The following STARD13 variants were observed in gnomAD, a reference collection of about 807,000 sequenced individuals.
STARD13 encodes StAR related lipid transfer domain containing 13, also known as stAR-related lipid transfer protein 13.
Under a neutral mutation model 106.4 loss-of-function variants are expected in STARD13, and 62 were observed. That is an observed-to-expected ratio of 0.58 (90% confidence interval 0.48 to 0.72). The LOEUF (loss-of-function observed/expected upper bound fraction) is 0.72, where lower values mean the gene tolerates loss of function less well. STARD13 is among the 30% of genes least tolerant of loss of function. The pLI, the probability that STARD13 is intolerant of heterozygous loss-of-function variation, is 0.00. For missense variants in STARD13, 1,387 were observed against 1,424.0 expected, an observed-to-expected ratio of 0.97 and a Z score of 0.42; for synonymous variants, 565 against 553.0, an observed-to-expected ratio of 1.02 and a Z score of -0.31.
chr13:33,413,802 C>G, the STARD13 span, among the ~76,000 whole-genome samples: 1 of 152,028 alleles, frequency 6.6e-6, no homozygotes, highest in Non-Finnish European at 1.5e-5. Flanking sequence ...GAGGTCGAGG[C>G]AGGCAGATCA....
At chr13:33,183,985 G>T (rs113094280) in intron 1 of STARD13, among the ~76,000 whole-genome samples, 1 of 152,150 alleles carries the variant, frequency 6.6e-6, no homozygotes, top group Non-Finnish European at 1.5e-5. Flanking sequence ...CTATGACTAC[G>T]CTGGTTCTCA....
At chr13:33,659,638 G>C in the STARD13 span, 6,567 of 152,338 alleles carry the variant, frequency 0.043, 169 homozygotes, top group South Asian at 0.063. Context: ...AAGACACCCA[G>C]CTGGTGTCTG....
chr13:33,555,654 A>T, the STARD13 span, among the ~76,000 whole-genome samples: 1 of 152,184 alleles, frequency 6.6e-6, no homozygotes, highest in African/African-American at 2.4e-5. Context: ...AGAGTAAACA[A>T]CTTGGAGTTA....
the STARD13 span, among the ~76,000 whole-genome samples, chr13:33,528,245 T>TATATATATAC: frequency 8.1e-6 from 1 of 124,174 alleles, no homozygotes; most frequent in African/African-American, 3.7e-5. Context: ...TATATATACA[T>TATATATATAC]ATATATATAT....
At chr13:33,308,670 C>T (rs1370548340) in intron 1 of STARD13, among the ~76,000 whole-genome samples, 1 of 151,760 alleles carries the variant, frequency 6.6e-6, no homozygotes, top group African/African-American at 2.4e-5. Flanking sequence ...ATTACAGGTA[C>T]CCACCACCAC....
the STARD13 span, among the ~76,000 whole-genome samples, chr13:33,447,496 A>G: frequency 1.3e-5 from 2 of 152,132 alleles, no homozygotes; most frequent in East Asian, 3.9e-4. Context: ...GTCCTGCTCC[A>G]ACTTGGACAT....
chr13:33,505,669 A>G, the STARD13 span, among the ~76,000 whole-genome samples: 1 of 152,270 alleles, frequency 6.6e-6, no homozygotes, highest in East Asian at 1.9e-4. Context: ...ACTTTCATGA[A>G]AATTTAGAAC....
the STARD13 span, among the ~76,000 whole-genome samples, chr13:33,523,393 C>T: frequency 2.6e-5 from 4 of 152,084 alleles, no homozygotes; most frequent in Non-Finnish European, 5.9e-5. Context: ...CTCTTGTTTA[C>T]TGTCAGAAGG....
chr13:33,633,308 A>G, the STARD13 span, among the ~76,000 whole-genome samples: 2 of 152,228 alleles, frequency 1.3e-5, no homozygotes, highest in Non-Finnish European at 2.9e-5. Flanking sequence ...AATGAATGCT[A>G]GAGCCTCATA....
the STARD13 span, among the ~76,000 whole-genome samples, chr13:33,422,118 A>G: frequency 6.6e-6 from 1 of 152,202 alleles, no homozygotes; most frequent in Admixed American, 6.5e-5. Flanking sequence ...AGAGAAAGAA[A>G]TAAAGGGTAT....
chr13:33,606,802 G>A, the STARD13 span, among the ~76,000 whole-genome samples: 2 of 152,304 alleles, frequency 1.3e-5, no homozygotes, highest in Middle Eastern at 3.4e-3. Flanking sequence ...GCAGAGCTGC[G>A]CTCCTTTCTG....
intron 1 of STARD13, among the ~76,000 whole-genome samples, chr13:33,311,335 C>T (rs1480952437): frequency 1.3e-5 from 2 of 151,890 alleles, no homozygotes; most frequent in East Asian, 3.9e-4. Flanking sequence ...AAAAAGAGTG[C>T]ACCTGTATAG....
At chr13:33,435,429 C>A in the STARD13 span, among the ~76,000 whole-genome samples, 6 of 152,206 alleles carry the variant, frequency 3.9e-5, no homozygotes, top group African/African-American at 1.4e-4. Flanking sequence ...AGCTCTTAAG[C>A]TTTATGTGGC....
the STARD13 span, among the ~76,000 whole-genome samples, chr13:33,635,532 C>T: frequency 6.6e-6 from 1 of 151,718 alleles, no homozygotes; most frequent in Non-Finnish European, 1.5e-5. Flanking sequence ...TGGTGGTGGG[C>T]GCCTGTAGTC....
At chr13:33,226,919 T>A (rs1888655517) in intron 1 of STARD13, among the ~76,000 whole-genome samples, 1 of 152,228 alleles carries the variant, frequency 6.6e-6, no homozygotes, top group Admixed American at 6.5e-5. Flanking sequence ...TAAAGATTTT[T>A]AGGGATCTTA....
intron 1 of STARD13, among the ~76,000 whole-genome samples, chr13:33,260,749 A>G (rs765972166): frequency 5.9e-5 from 9 of 152,252 alleles, no homozygotes; most frequent in Non-Finnish European, 1.2e-4. Context: ...ACATTTACAT[A>G]AAAGAATTCA....
At chr13:33,618,123 A>G in the STARD13 span, among the ~76,000 whole-genome samples, 1 of 152,254 alleles carries the variant, frequency 6.6e-6, no homozygotes, top group Admixed American at 6.5e-5. Context: ...TTGTTAATCA[A>G]AAATGATAGG....
chr13:33,409,104 A>G, the STARD13 span, among the ~76,000 whole-genome samples: 10 of 151,948 alleles, frequency 6.6e-5, no homozygotes, highest in Admixed American at 6.6e-4. Flanking sequence ...CTAGAAAGAA[A>G]GCTCTATGAA....
intron 3 of STARD13, among the ~76,000 whole-genome samples, chr13:33,156,058 G>A (rs17078641): frequency 0.023 from 3,435 of 152,330 alleles, 121 homozygotes; most frequent in African/African-American, 0.077. Context: ...AACCTTGGCT[G>A]CATTACGCCC....
Sources: allele counts gnomAD v4.1 joint callset (sites outside exome capture counted in the v4.1 genomes callset), GRCh38; gene constraint gnomAD v4.1.1; transcripts MANE v1.5; gene names NCBI Gene and HGNC (gene_info 2026-07-23, HGNC 2026-07-21).